Variants in P2RX7 observed in about 807,000 individuals in gnomAD.
P2RX7 encodes P2X purinoceptor 7.
Under a neutral mutation model 71.6 loss-of-function variants are expected in P2RX7, and 62 were observed. The ratio of observed to expected loss-of-function variants is 0.87; its 90% CI spans 0.71 to 1.07. The LOEUF (loss-of-function observed/expected upper bound fraction) is 1.07, where lower values mean the gene tolerates loss of function less well. P2RX7 is among the 50% of genes least tolerant of loss of function. P2RX7 has a pLI of 0.00. For synonymous variants in P2RX7, 299 were observed against 283.3 expected (o/e 1.06, Z -0.56); for missense variants, 686 against 748.5 (o/e 0.92, Z 0.97).
Position 121,187,595 on chromosome 12 carries a change from T to C in P2RX7, c.*2793T>C, listed in dbSNP as rs548887950. Reference sequence around the variant, plus strand: ...TGGAGTCAGAATGTGAAATTACAAATAATCACTGGATCCATCTACTGTTTT... The same window carrying C: ...TGGAGTCAGAATGTGAAATTACAAACAATCACTGGATCCATCTACTGTTTT... On this transcript the variant is annotated 3_prime_UTR_variant, in exon 13 of 13. Coordinates refer to ENST00000328963, the MANE Select transcript of P2RX7 (RefSeq NM_002562.6). 6 of 152,278 alleles carry C rather than the reference T, an allele frequency of 3.9e-5. No individual in the cohort carries two copies. The East Asian group carries it at 1.2e-3, about 29-fold the overall frequency. 9.4% of individuals were successfully genotyped at this position (152,278 alleles called of 1,614,324 possible).
chr12:121,154,482 G>A lies in P2RX7; in HGVS notation c.126-303G>A, dbSNP rs1019152021. Among the ~76,000 whole-genome samples the A allele has an allele frequency of 2.6e-5, 4 of 152,152 alleles. No homozygotes were observed. The highest frequency in any genetic ancestry group is 5.9e-5 in the Non-Finnish European group (4 of 68,036). On this transcript the variant is annotated intron_variant, in intron 1 of 12. Transcript: ENST00000328963. This position sits in a 1 kb window ranked among gnomAD's most constrained non-coding sequence, Gnocchi z 4.2. Reference sequence around the variant, plus strand: ...TGACTTGAGAAGCTGTCCTATCTATGAGGGTCCATGTTAGGGAATATTAAA... The same window carrying A: ...TGACTTGAGAAGCTGTCCTATCTATAAGGGTCCATGTTAGGGAATATTAAA...
At chr12:121,162,979 G>GT in intron 5 of P2RX7, among the ~76,000 whole-genome samples, 1 of 151,504 alleles carries the variant, frequency 6.6e-6, no homozygotes, top group South Asian at 2.1e-4. Context: ...GTAAAAGAGG[G>GT]GGGGAAGGAA....
intron 4 of P2RX7, 124 bp from the exon 5 acceptor site, chr12:121,162,300 G>A: frequency 6.8e-7 from 1 of 1,463,230 alleles, no homozygotes; most frequent in Non-Finnish European, 9.0e-7. Flanking sequence ...GAAGCTGCGT[G>A]GGTTGGAAAG....
At chr12:121,176,702 A>G (rs1350419034) in intron 9 of P2RX7, among the ~76,000 whole-genome samples, 1 of 145,620 alleles carries the variant, frequency 6.9e-6, no homozygotes, top group African/African-American at 2.6e-5. Flanking sequence ...CAGTGAGCCG[A>G]GATTGCGCCA....
rs898543517 is a variant in P2RX7, at chr12:121,154,550, C to G, written c.126-235C>G. ...GTAGCTTTCCTGTAGCAAGTGCTAG[C>G]TATGTGCCAGATACTGGGCAAAGGA... On this transcript the variant is annotated intron_variant, in intron 1 of 12. Coordinates refer to ENST00000328963, the MANE Select transcript of P2RX7 (RefSeq NM_002562.6). The surrounding 1 kb of genome is among the most constrained non-coding windows in gnomAD (Gnocchi z 4.2). Among the ~76,000 whole-genome samples, 1 of 152,136 alleles carries G rather than the reference C, an allele frequency of 6.6e-6. No homozygotes were observed. The highest frequency in any genetic ancestry group is 1.5e-5 in the Non-Finnish European group (1 of 68,022).
intron 3 of P2RX7, among the ~76,000 whole-genome samples, chr12:121,157,001 A>T (rs1405225759): frequency 6.6e-6 from 1 of 152,108 alleles, no homozygotes; most frequent in East Asian, 1.9e-4. Flanking sequence ...AAACAAAACA[A>T]AACAAAAACT....
At chr12:121,136,130 T>C (rs973829819) in intron 1 of P2RX7, among the ~76,000 whole-genome samples, 2 of 146,210 alleles carry the variant, frequency 1.4e-5, no homozygotes, top group Non-Finnish European at 3.0e-5. Context: ...TTTATATGTA[T>C]TTTATATATT....
At chr12:121,137,813 TCAGGATA>T (rs1490107006) in intron 1 of P2RX7, among the ~76,000 whole-genome samples, 1 of 152,202 alleles carries the variant, frequency 6.6e-6, no homozygotes, top group African/African-American at 2.4e-5. Flanking sequence ...CGAGCAATGT[TCAGGATA>T]CAGCAGCAAG....
chr12:121,139,519 C>T (rs1055077940), intron 1 of P2RX7, among the ~76,000 whole-genome samples: 3 of 152,298 alleles, frequency 2.0e-5, no homozygotes, highest in East Asian at 1.9e-4. Context: ...GGCTGGCTGT[C>T]GCTGTGGAGA....
At chr12:121,153,548 C>T (rs371038639) in intron 1 of P2RX7, among the ~76,000 whole-genome samples, 5 of 151,962 alleles carry the variant, frequency 3.3e-5, no homozygotes, top group East Asian at 3.9e-4. Context: ...TGTGGTGGTA[C>T]GCGCCTGTAA....
At position 121,133,015 on chromosome 12, in the gene P2RX7, G is replaced by A. The variant is rs61743821; in HGVS notation, c.45G>A (p.Thr15=). ...CSCSDVFQYE[T]NKVTRIQSMN... is the part of the protein sequence containing the mutation. ...GCAGTGATGTTTTCCAGTATGAGACGAACAAAGTCACTCGGATCCAGAGCA... is the reference window on the plus strand; with the variant it reads ...GCAGTGATGTTTTCCAGTATGAGACAAACAAAGTCACTCGGATCCAGAGCA... The change falls in exon 1 of 13, where the codon ACG becomes ACA. Residue 15 remains threonine, a synonymous_variant. Transcript: ENST00000328963. 7.4e-6 allele frequency: 12 copies of A among 1,613,850 alleles called. No individual in the cohort carries two copies. In the African/African-American group the frequency reaches 1.2e-4, roughly 16 times the overall value.
chr12:121,187,378 T>A lies in P2RX7; in HGVS notation c.*2576T>A, dbSNP rs542877414. ...TAATTATGCCAGATTGAACTTTGAT[T>A]TTTACTACCTTTTCAAAGATATTTT... On this transcript the variant is annotated 3_prime_UTR_variant, in exon 13 of 13. Coordinates refer to ENST00000328963, the MANE Select transcript of P2RX7 (RefSeq NM_002562.6). 6.6e-6 allele frequency: 1 copy of A among 152,336 alleles called. No homozygotes were observed. Among genetic ancestry groups the A allele is most frequent in the South Asian group, 2.1e-4 (1 of 4,824 alleles). The allele number at this position is 152,336 out of a possible 1,614,324, so 9.4% of individuals were successfully genotyped here. A position where few individuals can be genotyped will look rare whatever the true frequency, so the allele number is the denominator to read the frequency against.
At chr12:121,152,168 A>T (rs996641434) in intron 1 of P2RX7, among the ~76,000 whole-genome samples, 2 of 151,908 alleles carry the variant, frequency 1.3e-5, no homozygotes, top group Non-Finnish European at 2.9e-5. Flanking sequence ...TTTAGTAGAG[A>T]GAGGGTTTCA....
Position 121,166,155 on chromosome 12 carries a change from A to T in P2RX7, c.712A>T (p.Thr238Ser), listed in dbSNP as rs1565962126. 1 of 1,613,948 alleles carries T rather than the reference A, an allele frequency of 6.2e-7. No homozygotes were observed. Residue 238 changes from threonine to serine, a missense_variant, in exon 7 of 13, where the codon ACA becomes TCA. Thr to Ser is a moderately conservative substitution (Grantham distance 58, BLOSUM62 1). Coordinates refer to ENST00000328963, the MANE Select transcript of P2RX7 (RefSeq NM_002562.6). ...CCGACTAGGAGACATCTTCCGAGAA[A>T]CAGGCGATAATTTTTCAGATGTGGC... Reference protein sequence around the residue: ...IFRLGDIFRETGDNFSDVAIQ... With the variant: ...IFRLGDIFRESGDNFSDVAIQ...
At position 121,149,421 on chromosome 12, in the gene P2RX7, G is replaced by C. The variant is rs776923510; in HGVS notation, c.126-5364G>C. Reference sequence around the variant, plus strand: ...TGGGCCCACAGTTCCACATGGCTGGGAAGGCCTCACAATCATGGCAGAGGG... The same window carrying C: ...TGGGCCCACAGTTCCACATGGCTGGCAAGGCCTCACAATCATGGCAGAGGG... On this transcript the variant is annotated intron_variant, in intron 1 of 12. Transcript: ENST00000328963. The surrounding 1 kb of genome is among the most constrained non-coding windows in gnomAD (Gnocchi z 4.7). Among the ~76,000 whole-genome samples, 2 of 152,202 alleles carry C rather than the reference G, an allele frequency of 1.3e-5. No individual in the cohort carries two copies. Among genetic ancestry groups the C allele is most frequent in the Non-Finnish European group, 2.9e-5 (2 of 68,026 alleles).
chr12:121,136,203 T>C (rs935934210), intron 1 of P2RX7, among the ~76,000 whole-genome samples: 3 of 150,362 alleles, frequency 2.0e-5, no homozygotes, highest in Admixed American at 6.7e-5. Context: ...ATAGGACCAA[T>C]GGTAAAGAGC....
Position 121,177,204 on chromosome 12 carries a change from T to C in P2RX7, c.1030T>C (p.Phe344Leu). Residue 344 changes from phenylalanine (F) to leucine (L), a missense_variant, in exon 10 of 13, where the codon TTC becomes CTC. Coordinates refer to ENST00000328963, the MANE Select transcript of P2RX7 (RefSeq NM_002562.6). The stretch of plus-strand genomic sequence containing the variant: ...GTACATCGGCTCAACCCTCTCCTAC[T>C]TCGGTCTGGTAAGAGATTCTCTTTT... ...VVYIGSTLSY[F>L]GLAAVFIDFL... The C allele has an allele frequency of 1.2e-6, 2 of 1,614,172 alleles. No homozygotes were observed. Among genetic ancestry groups the C allele is most frequent in the Non-Finnish European group, 1.7e-6 (2 of 1,180,006 alleles).
chr12:121,138,192 C>T (rs1376356095), intron 1 of P2RX7, among the ~76,000 whole-genome samples: 1 of 152,216 alleles, frequency 6.6e-6, no homozygotes, highest in Non-Finnish European at 1.5e-5. Context: ...ATGGTGCTGT[C>T]CTCGGACGTG....
rs192953417 is a variant in P2RX7, at chr12:121,157,416, G to C, written c.363+1269G>C. On this transcript the variant is annotated intron_variant, in intron 3 of 12. Coordinates refer to ENST00000328963, the MANE Select transcript of P2RX7 (RefSeq NM_002562.6). ...TTGGTGTCTATCTTGATAACACTCCGTCTAAAAGGAGAGCTTTCTACATTT... is the reference window on the plus strand; with the variant it reads ...TTGGTGTCTATCTTGATAACACTCCCTCTAAAAGGAGAGCTTTCTACATTT... Among the ~76,000 whole-genome samples the C allele has an allele frequency of 2.3e-3, 354 of 152,302 alleles. 2 individuals are homozygous for C. The highest frequency in any genetic ancestry group is 7.9e-3 in the African/African-American group (330 of 41,572).
Sources: gnomAD v4.1 joint callset for allele counts (sites outside exome capture counted in the v4.1 genomes callset) on GRCh38, gnomAD v4.1.1 for gene constraint, Gnocchi (gnomAD v3.1) non-coding constraint, MANE v1.5 for transcripts, NCBI Gene and HGNC (gene_info 2026-07-23, HGNC 2026-07-21) for gene names.